Variants in SPTBN1 observed in about 807,000 individuals in gnomAD.
The protein encoded by SPTBN1 is spectrin beta chain, non-erythrocytic 1.
In SPTBN1, 32 loss-of-function variants were observed where a neutral mutation model predicts 266.4. The observed-to-expected ratio is 0.12, with a 90% CI of 0.09 to 0.16. The LOEUF is 0.16. SPTBN1 is among the 10% of genes least tolerant of loss of function. The probability of loss-of-function intolerance (pLI) is 1.00; values close to 1 mark genes in which losing one functional copy is unlikely to be tolerated. For synonymous variants in SPTBN1, 1,336 were observed against 1,162.2 expected, an observed-to-expected ratio of 1.15 and a Z score of -3.04; for missense variants, 2,296 against 3,067.1, an observed-to-expected ratio of 0.75 and a Z score of 5.94.
chr2:54,654,949 G>T (rs536590002), intron 27 of SPTBN1, 121 bp from the exon 28 acceptor site: 31 of 1,268,684 alleles, frequency 2.4e-5, no homozygotes, highest in Non-Finnish European at 3.3e-5. Flanking sequence ...ATTCAGACCT[G>T]AAAGACCATC....
chr2:54,616,379 C>A, intron 5 of SPTBN1, 81 bp downstream of exon 5: 2 of 1,259,314 alleles, frequency 1.6e-6, no homozygotes, highest in Non-Finnish European at 2.2e-6. Flanking sequence ...AAGGTGTTGA[C>A]AGGTATCTTT....
At chr2:54,597,588 G>C (rs567108446) in intron 2 of SPTBN1, among the ~76,000 whole-genome samples, 1 of 152,334 alleles carries the variant, frequency 6.6e-6, no homozygotes, top group African/African-American at 2.4e-5. Context: ...GATCTTGGCA[G>C]GTGCCCCAGC....
intron 4 of SPTBN1, among the ~76,000 whole-genome samples, chr2:54,612,906 T>A (rs1677319487): frequency 6.6e-6 from 1 of 152,242 alleles, no homozygotes; most frequent in Non-Finnish European, 1.5e-5. Context: ...GGTTTTGTTA[T>A]ACTTGAGGAG....
chr2:54,503,132 G>A (rs944087331), intron 1 of SPTBN1, among the ~76,000 whole-genome samples: 1 of 152,188 alleles, frequency 6.6e-6, no homozygotes, highest in Non-Finnish European at 1.5e-5. Context: ...AGGTTAATCT[G>A]CTGAGCTTAT....
At chr2:54,547,914 C>T (rs1010903200) in intron 2 of SPTBN1, among the ~76,000 whole-genome samples, 9 of 151,948 alleles carry the variant, frequency 5.9e-5, no homozygotes, top group African/African-American at 1.9e-4. Flanking sequence ...GAGGCCAAGG[C>T]GGGCAGATCA....
At chr2:54,483,603 G>A (rs1326636188) in intron 1 of SPTBN1, among the ~76,000 whole-genome samples, 2 of 152,110 alleles carry the variant, frequency 1.3e-5, no homozygotes, top group Non-Finnish European at 2.9e-5. Flanking sequence ...CACCTCCCCA[G>A]GAGCAGATTT....
chr2:54,470,103 G>C (rs1489226481), intron 1 of SPTBN1, among the ~76,000 whole-genome samples: 1 of 152,232 alleles, frequency 6.6e-6, no homozygotes, highest in African/African-American at 2.4e-5. Context: ...TGCCTTCGAA[G>C]TGTGTGTTTC....
intron 1 of SPTBN1, among the ~76,000 whole-genome samples, chr2:54,485,847 T>G (rs1490558319): frequency 1.2e-4 from 13 of 112,900 alleles, no homozygotes; most frequent in African/African-American, 4.6e-4. Flanking sequence ...CCCGCCGCCC[T>G]GTCTGGGATG....
At chr2:54,487,391 A>G (rs914308867) in intron 1 of SPTBN1, among the ~76,000 whole-genome samples, 3 of 106,568 alleles carry the variant, frequency 2.8e-5, no homozygotes, top group Non-Finnish European at 3.5e-5. Context: ...TGCATTTACT[A>G]TATGCATGAC....
intron 27 of SPTBN1, 117 bp from the exon 28 acceptor site, chr2:54,654,953 G>T: frequency 7.5e-7 from 1 of 1,325,854 alleles, no homozygotes; most frequent in Non-Finnish European, 1.0e-6. Context: ...AGACCTGAAA[G>T]ACCATCAGTT....
rs148585973 is a variant in SPTBN1, at chr2:54,649,891, A to G, written c.5479A>G (p.Lys1827Glu). ...TGGGCGTATACAGGACAAACACAAGAAACTCCCTGAGGAGCTTGGGAGAGA... is the reference window on the plus strand; with the variant it reads ...TGGGCGTATACAGGACAAACACAAGGAACTCCCTGAGGAGCTTGGGAGAGA... ...IFGRIQDKHK[K>E]LPEELGRDQN... is the part of the protein sequence containing the mutation. Residue 1827 changes from lysine to glutamate, a missense_variant, in exon 26 of 36, where the codon AAA (lysine) becomes GAA (glutamate). Coordinates refer to ENST00000356805, the MANE Select transcript of SPTBN1 (RefSeq NM_003128.3). The surrounding 1 kb of genome is among the most constrained non-coding windows in gnomAD (Gnocchi z 6.7). The G allele has an allele frequency of 1.2e-6, 2 of 1,614,084 alleles. No homozygotes were observed. The highest frequency in any genetic ancestry group is 1.7e-6 in the Non-Finnish European group (2 of 1,180,036).
At chr2:54,617,993 C>CT in intron 6 of SPTBN1, 85 bp from the exon 7 acceptor site, 1 of 1,117,004 alleles carries the variant, frequency 9.0e-7, no homozygotes, top group Non-Finnish European at 1.3e-6. Context: ...TGATTTTAAC[C>CT]TTTTTGGAGT....
chr2:54,476,241 C>G (rs1667824575), intron 1 of SPTBN1, among the ~76,000 whole-genome samples: 1 of 152,018 alleles, frequency 6.6e-6, no homozygotes, highest in Non-Finnish European at 1.5e-5. Context: ...GGCCATTGAT[C>G]AGAATAATCA....
At chr2:54,551,436 G>A (rs1672558505) in intron 2 of SPTBN1, among the ~76,000 whole-genome samples, 1 of 152,250 alleles carries the variant, frequency 6.6e-6, no homozygotes, top group Non-Finnish European at 1.5e-5. Flanking sequence ...GCATTCTTTT[G>A]TCTGTGCAGG....
chr2:54,501,594 G>A (rs1573285559), intron 1 of SPTBN1, among the ~76,000 whole-genome samples: 2 of 152,314 alleles, frequency 1.3e-5, no homozygotes, highest in South Asian at 2.1e-4. Flanking sequence ...TCCAGAAAGA[G>A]GAGATGGACT....
intron 5 of SPTBN1, among the ~76,000 whole-genome samples, chr2:54,617,100 G>GAA (rs1677658686): frequency 6.6e-6 from 1 of 152,170 alleles, no homozygotes. Context: ...TTCATTATGG[G>GAA]TAAGTTTCAC....
chr2:54,511,302 A>G (rs548668789), intron 1 of SPTBN1, among the ~76,000 whole-genome samples: 11 of 152,194 alleles, frequency 7.2e-5, no homozygotes, highest in Non-Finnish European at 1.2e-4. Flanking sequence ...ATAAGCTTTT[A>G]AGCAGTCATG....
At chr2:54,657,142 A>G (rs1423511387) in intron 29 of SPTBN1, among the ~76,000 whole-genome samples, 2 of 152,216 alleles carry the variant, frequency 1.3e-5, no homozygotes, top group Non-Finnish European at 2.9e-5. Flanking sequence ...CTACCTTCTC[A>G]TAACTATGTT....
At chr2:54,502,973 C>T (rs1433299737) in intron 1 of SPTBN1, among the ~76,000 whole-genome samples, 4 of 152,162 alleles carry the variant, frequency 2.6e-5, no homozygotes, top group Non-Finnish European at 5.9e-5. Flanking sequence ...TGCCATGTTC[C>T]CTCTGTGGTC....
Sources: allele counts gnomAD v4.1 joint callset (sites outside exome capture counted in the v4.1 genomes callset), GRCh38; gene constraint gnomAD v4.1.1; non-coding constraint Gnocchi (gnomAD v3.1); transcripts MANE v1.5; gene names NCBI Gene and HGNC (gene_info 2026-07-23, HGNC 2026-07-21).